ANKRD45: variants seen among roughly 807,000 people sequenced by gnomAD.
ANKRD45 encodes ankyrin repeat domain-containing protein 45.
Under a neutral mutation model 28.1 loss-of-function variants are expected in ANKRD45, and 21 were observed. That is an observed-to-expected ratio of 0.75 (90% CI 0.53 to 1.08). The LOEUF (loss-of-function observed/expected upper bound fraction) is 1.08, where lower values mean the gene tolerates loss of function less well. Among genes scored for constraint, ANKRD45 ranks in the 50% least tolerant of loss-of-function variants. The probability of loss-of-function intolerance (pLI) is 0.00; values close to 1 mark genes in which losing one functional copy is unlikely to be tolerated. For missense variants in ANKRD45, 261 were observed against 308.7 expected (o/e 0.85, Z 1.16); for synonymous variants, 86 against 103.9 (o/e 0.83, Z 1.05).
chr1:173,612,932 G>A lies in ANKRD45; in HGVS notation c.731-2717C>T, dbSNP rs980789970. ...GGCTGGAGTGCAGTGGCATGATCTC[G>A]GCTAGCTACAACCTCCACCTCCCAG... On this transcript the variant is annotated intron_variant, in intron 5 of 5. Transcript: ENST00000333279. 5.3e-5 allele frequency among the ~76,000 whole-genome samples: 8 copies of A among 152,264 alleles called. No homozygotes were observed. In the Middle Eastern group the frequency reaches 0.01, roughly 194 times the overall value.
chr1:173,672,453 CTG>C (rs1285575705), upstream of ANKRD45, among the ~76,000 whole-genome samples: 1 of 152,154 alleles, frequency 6.6e-6, no homozygotes, highest in Non-Finnish European at 1.5e-5. Context: ...CTGTACAAAA[CTG>C]TACATGATTC....
the ANKRD45 span, among the ~76,000 whole-genome samples, chr1:173,692,925 G>C: frequency 6.6e-6 from 1 of 152,162 alleles, no homozygotes; most frequent in African/African-American, 2.4e-5. Flanking sequence ...ACCCAGGCAA[G>C]ACAATACAAC....
At chr1:173,671,953 C>A (rs1456630924), upstream of ANKRD45, among the ~76,000 whole-genome samples, 1 of 151,952 alleles carries the variant, frequency 6.6e-6, no homozygotes, top group Non-Finnish European at 1.5e-5. Context: ...ACCCACTTGG[C>A]CCTTTCCAAG....
intron 2 of ANKRD45, among the ~76,000 whole-genome samples, chr1:173,653,956 TG>T (rs1669369217): frequency 1.3e-5 from 2 of 150,740 alleles, no homozygotes; most frequent in Non-Finnish European, 3.0e-5. Flanking sequence ...TCCATTTGCT[TG>T]GTAGATCTTC....
At chr1:173,655,123 T>C (rs1314430184) in intron 2 of ANKRD45, among the ~76,000 whole-genome samples, 1 of 152,206 alleles carries the variant, frequency 6.6e-6, no homozygotes, top group Non-Finnish European at 1.5e-5. Context: ...TCATTCTCCG[T>C]CCAGCTTTGT....
the ANKRD45 span, among the ~76,000 whole-genome samples, chr1:173,711,361 A>G: frequency 6.6e-6 from 1 of 152,246 alleles, no homozygotes; most frequent in Non-Finnish European, 1.5e-5. Flanking sequence ...GACATGAAAC[A>G]TCAATCAACA....
At chr1:173,610,367 T>C (rs1667091259) in intron 5 of ANKRD45, 152 bp from the exon 6 acceptor site, 1 of 686,548 alleles carries the variant, frequency 1.5e-6, no homozygotes, top group African/African-American at 1.8e-5. Context: ...GGTATGTCAT[T>C]CAAATAGTCT....
At chr1:173,694,774 C>T in the ANKRD45 span, among the ~76,000 whole-genome samples, 1 of 152,008 alleles carries the variant, frequency 6.6e-6, no homozygotes, top group African/African-American at 2.4e-5. Context: ...CCTTTGTGTA[C>T]CCACAGCTTA....
chr1:173,699,667 AT>A, the ANKRD45 span, among the ~76,000 whole-genome samples: 6 of 152,354 alleles, frequency 3.9e-5, no homozygotes, highest in African/African-American at 1.4e-4. Context: ...GATGGGATGT[AT>A]CTCAAAATAA....
chr1:173,699,493 C>G, the ANKRD45 span, among the ~76,000 whole-genome samples: 2 of 152,122 alleles, frequency 1.3e-5, no homozygotes, highest in Non-Finnish European at 2.9e-5. Flanking sequence ...TTGGCTTCAA[C>G]CCTGGGATGC....
At chr1:173,637,214 C>G in intron 3 of ANKRD45, 3 of 542,120 alleles carry the variant, frequency 5.5e-6, no homozygotes, top group Non-Finnish European at 6.5e-6. Context: ...AAAAAAGAAC[C>G]CGGACTTACT....
At chr1:173,613,265 C>T (rs1449221921) in intron 5 of ANKRD45, among the ~76,000 whole-genome samples, 2 of 150,594 alleles carry the variant, frequency 1.3e-5, no homozygotes, top group African/African-American at 4.9e-5. Context: ...AGGTGAGGAG[C>T]GTCTCTGCCC....
At chr1:173,616,209 ATAT>A (rs1054293687) in intron 5 of ANKRD45, among the ~76,000 whole-genome samples, 1 of 152,196 alleles carries the variant, frequency 6.6e-6, no homozygotes, top group Non-Finnish European at 1.5e-5. Flanking sequence ...GACATTAAAA[ATAT>A]TATGCCAAGT....
chr1:173,660,086 T>C lies in ANKRD45; in HGVS notation c.-15-653A>G, dbSNP rs535836003. On this transcript the variant is annotated intron_variant, in intron 1 of 5. Transcript: ENST00000333279. Reference sequence around the variant, plus strand: ...CAGATAAAATTATTCAAGATGTTTCTTTTTTTTTCACAACAGACAGGAAAT... The same window carrying C: ...CAGATAAAATTATTCAAGATGTTTCCTTTTTTTTCACAACAGACAGGAAAT... Among the ~76,000 whole-genome samples, 8 of 151,554 alleles carry C rather than the reference T, an allele frequency of 5.3e-5. No individual in the cohort carries two copies. In the East Asian group the frequency reaches 1.2e-3, roughly 22 times the overall value.
intron 4 of ANKRD45, among the ~76,000 whole-genome samples, chr1:173,625,275 C>T (rs148533834): frequency 3.3e-4 from 50 of 152,150 alleles, no homozygotes; most frequent in African/African-American, 1.1e-3. Context: ...TACCATTCTA[C>T]ACTTTCTCCC....
chr1:173,628,672 A>G (rs952866852), intron 3 of ANKRD45, among the ~76,000 whole-genome samples: 1 of 152,294 alleles, frequency 6.6e-6, no homozygotes. Flanking sequence ...TGACTCCCAG[A>G]TGGCATCTCC....
At chr1:173,690,574 C>T in the ANKRD45 span, among the ~76,000 whole-genome samples, 4 of 152,180 alleles carry the variant, frequency 2.6e-5, no homozygotes, top group African/African-American at 9.7e-5. Context: ...GAAACTGACA[C>T]ATTACATACT....
chr1:173,688,229 GT>G, the ANKRD45 span, among the ~76,000 whole-genome samples: 1 of 152,080 alleles, frequency 6.6e-6, no homozygotes. Context: ...CCAATTATGG[GT>G]TTTTAATTTA....
At chr1:173,664,511 T>C (rs1309081963) in intron 1 of ANKRD45, among the ~76,000 whole-genome samples, 1 of 152,178 alleles carries the variant, frequency 6.6e-6, no homozygotes, top group Non-Finnish European at 1.5e-5. Context: ...AGAATAGCTT[T>C]ACATCTCCTA....
Sources: gnomAD v4.1 joint callset for allele counts (sites outside exome capture counted in the v4.1 genomes callset) on GRCh38, gnomAD v4.1.1 for gene constraint, MANE v1.5 for transcripts, NCBI Gene and HGNC (gene_info 2026-07-23, HGNC 2026-07-21) for gene names.